The following LRRC4C variants were observed in gnomAD, a reference collection of about 807,000 sequenced individuals.
LRRC4C encodes the protein leucine rich repeat containing 4C.
Under a neutral mutation model 33.6 loss-of-function variants are expected in LRRC4C, and 5 were observed. That is an observed-to-expected ratio of 0.15 (90% confidence interval 0.08 to 0.31). The LOEUF is 0.31. Ranked by LOEUF, LRRC4C falls within the 10% of genes least tolerant of loss-of-function variation. LRRC4C has a pLI of 1.00. For synonymous variants in LRRC4C, 329 were observed against 302.0 expected (o/e 1.09, Z -0.93); for missense variants, 560 against 796.7 (o/e 0.70, Z 3.58).
At position 40,404,860 on chromosome 11, in the gene LRRC4C, GATAT is replaced by G. The variant is rs138480356; in HGVS notation, c.-269-85143_-269-85140del. Among the ~76,000 whole-genome samples the G allele has an allele frequency of 7.3e-3, 1,102 of 151,446 alleles. 13 individuals are homozygous for G. Among genetic ancestry groups the G allele is most frequent in the African/African-American group, 0.025 (1,042 of 41,280 alleles). On this transcript the variant is annotated intron_variant, in intron 3 of 6. Transcript: ENST00000528697. Reference sequence around the variant, plus strand: ...TGTATATTTAAGGTATACAATATATGATATATATATAATAAAATGTTACTATAAT... The same window carrying G: ...TGTATATTTAAGGTATACAATATATGATATATAATAAAATGTTACTATAAT...
At chr11:40,816,832 C>G (rs1168415958) in intron 2 of LRRC4C, among the ~76,000 whole-genome samples, 1 of 151,924 alleles carries the variant, frequency 6.6e-6, no homozygotes. Context: ...GTTTTTTAAT[C>G]CTCAATCTTT....
intron 6 of LRRC4C, 100 bp from the exon 7 acceptor site, chr11:40,116,434 CAT>C: frequency 8.1e-7 from 1 of 1,232,444 alleles, no homozygotes; most frequent in Non-Finnish European, 1.1e-6. Context: ...CTAAAGCCAT[CAT>C]GTGTGAGACA....
intron 5 of LRRC4C, among the ~76,000 whole-genome samples, chr11:40,155,636 C>A (rs1454633388): frequency 2.0e-5 from 3 of 152,028 alleles, no homozygotes; most frequent in African/African-American, 7.2e-5. Context: ...AAAAAGACAA[C>A]CCTCCTAGCT....
intron 5 of LRRC4C, among the ~76,000 whole-genome samples, chr11:40,237,518 G>A (rs958114672): frequency 6.6e-6 from 1 of 152,184 alleles, no homozygotes; most frequent in Non-Finnish European, 1.5e-5. Context: ...TATGGATTAA[G>A]TAGCATTGTG....
chr11:40,734,021 A>G (rs1247579941), intron 2 of LRRC4C, among the ~76,000 whole-genome samples: 2 of 152,204 alleles, frequency 1.3e-5, no homozygotes, highest in African/African-American at 4.8e-5. Context: ...TGATATTCCT[A>G]AAAACATTAT....
chr11:40,398,931 G>C (rs537734140), intron 3 of LRRC4C, among the ~76,000 whole-genome samples: 1 of 152,182 alleles, frequency 6.6e-6, no homozygotes, highest in East Asian at 1.9e-4. Context: ...CAATTCCCTT[G>C]GTGCGTTAAA....
chr11:40,178,738 G>A (rs1195411533), intron 5 of LRRC4C, among the ~76,000 whole-genome samples: 1 of 152,194 alleles, frequency 6.6e-6, no homozygotes, highest in African/African-American at 2.4e-5. Flanking sequence ...GGACAGGCAG[G>A]CCGTATATTC....
intron 2 of LRRC4C, among the ~76,000 whole-genome samples, chr11:40,791,421 A>G (rs963755950): frequency 4.1e-4 from 63 of 152,182 alleles, no homozygotes; most frequent in African/African-American, 1.5e-3. Context: ...AAAAGTAATG[A>G]ACAAGGAATA....
At chr11:41,176,138 A>G (rs1332852198) in intron 1 of LRRC4C, among the ~76,000 whole-genome samples, 1 of 152,186 alleles carries the variant, frequency 6.6e-6, no homozygotes, top group East Asian at 1.9e-4. Flanking sequence ...GCATTCTCAT[A>G]GCTGCCCAAA....
At chr11:41,085,928 C>CA (rs10717008) in intron 1 of LRRC4C, among the ~76,000 whole-genome samples, 8,336 of 79,554 alleles carry the variant, frequency 0.1, 213 homozygotes, top group East Asian at 0.19. Flanking sequence ...TTTAAGACAC[C>CA]AAAAAAAAAA....
chr11:40,969,369 T>G (rs1467003349), intron 1 of LRRC4C, among the ~76,000 whole-genome samples: 1 of 152,002 alleles, frequency 6.6e-6, no homozygotes, highest in Non-Finnish European at 1.5e-5. Flanking sequence ...AACAAATAAT[T>G]TATAATATTA....
At chr11:40,840,580 C>T (rs550383192) in intron 2 of LRRC4C, among the ~76,000 whole-genome samples, 2 of 152,170 alleles carry the variant, frequency 1.3e-5, no homozygotes, top group East Asian at 1.9e-4. Flanking sequence ...CAGAGGTAAC[C>T]TTAATCCGTT....
chr11:41,036,165 C>T (rs1857053240), intron 1 of LRRC4C, among the ~76,000 whole-genome samples: 1 of 151,998 alleles, frequency 6.6e-6, no homozygotes, highest in Non-Finnish European at 1.5e-5. Context: ...TAATTATGGT[C>T]AGAAATAAAC....
chr11:40,690,768 T>A (rs535217861), intron 2 of LRRC4C, among the ~76,000 whole-genome samples: 1 of 152,204 alleles, frequency 6.6e-6, no homozygotes, highest in South Asian at 2.1e-4. Flanking sequence ...AATGTGCATA[T>A]ATTTTAGCTT....
intron 2 of LRRC4C, among the ~76,000 whole-genome samples, chr11:40,830,570 AT>A (rs1156896987): frequency 6.6e-6 from 1 of 152,098 alleles, no homozygotes; most frequent in Non-Finnish European, 1.5e-5. Context: ...TTTACGAAAA[AT>A]AAAAGAAACC....
intron 5 of LRRC4C, among the ~76,000 whole-genome samples, chr11:40,146,314 C>A (rs1383322433): frequency 1.3e-5 from 2 of 152,124 alleles, no homozygotes; most frequent in African/African-American, 4.8e-5. Context: ...ACACTATAGA[C>A]CTTTTCCTCA....
chr11:40,273,106 A>C (rs909415550), intron 4 of LRRC4C, among the ~76,000 whole-genome samples: 1 of 152,170 alleles, frequency 6.6e-6, no homozygotes, highest in Admixed American at 6.5e-5. Flanking sequence ...AATACACTTT[A>C]AGCTTTAAAT....
At chr11:40,787,101 C>T (rs1042592410) in intron 2 of LRRC4C, among the ~76,000 whole-genome samples, 2 of 152,166 alleles carry the variant, frequency 1.3e-5, no homozygotes, top group African/African-American at 2.4e-5. Flanking sequence ...TAGTTCTCCC[C>T]ATGTCTCAGT....
At chr11:41,294,546 G>T (rs760095053) in intron 1 of LRRC4C, among the ~76,000 whole-genome samples, 2 of 152,096 alleles carry the variant, frequency 1.3e-5, no homozygotes, top group African/African-American at 4.8e-5. Context: ...CCTTATAGTA[G>T]AATATATTTT....
Sources: allele counts gnomAD v4.1 joint callset (sites outside exome capture counted in the v4.1 genomes callset), GRCh38; gene constraint gnomAD v4.1.1; transcripts MANE v1.5; gene names NCBI Gene and HGNC (gene_info 2026-07-23, HGNC 2026-07-21).